SLC4A11: variants seen among roughly 807,000 people sequenced by gnomAD.
The protein encoded by SLC4A11 is bicarbonate transporter related protein 1.
Under a neutral mutation model 95.0 loss-of-function variants are expected in SLC4A11, and 74 were observed. The ratio of observed to expected loss-of-function variants is 0.78; its 90% confidence interval spans 0.65 to 0.95. The LOEUF (loss-of-function observed/expected upper bound fraction) is 0.95, where lower values mean the gene tolerates loss of function less well. Ranked by LOEUF, SLC4A11 falls within the 40% of genes least tolerant of loss-of-function variation. SLC4A11 has a pLI of 0.00. For missense variants in SLC4A11, 1,081 were observed against 1,192.4 expected (o/e 0.91, Z 1.38); for synonymous variants, 548 against 519.0 (o/e 1.06, Z -0.76).
Position 3,230,796 on chromosome 20 carries a change from C to G in SLC4A11, c.1218G>C (p.Ala406=). The change falls in exon 11 of 20, where the codon GCG becomes GCC. Residue 406 remains alanine (A), a synonymous_variant. Transcript: ENST00000642402. ...AGQSIGGLLY[A]LFSGQPLVIL... ...TCACCAATGGCTGCCCAGAGAAGAGCGCGTAGAGCAGGCCCCCGATGCTCT... is the reference window on the plus strand; with the variant it reads ...TCACCAATGGCTGCCCAGAGAAGAGGGCGTAGAGCAGGCCCCCGATGCTCT... 6.2e-7 allele frequency: 1 copy of G among 1,613,304 alleles called. No homozygotes were observed. Among genetic ancestry groups the G allele is most frequent in the Non-Finnish European group, 8.5e-7 (1 of 1,179,994 alleles).
chr20:3,237,435 C>T (rs2068016089), intron 2 of SLC4A11, 109 bp downstream of exon 2: 1 of 1,155,082 alleles, frequency 8.7e-7, no homozygotes, highest in Non-Finnish European at 1.3e-6. Context: ...CTAGAGTGGC[C>T]CAGATAGGCG....
intron 1 of SLC4A11, chr20:3,238,103 G>C: frequency 6.8e-7 from 1 of 1,461,138 alleles, no homozygotes; most frequent in East Asian, 2.5e-5. Flanking sequence ...ACGCGCCCCG[G>C]GTCACACGGG....
At position 3,230,187 on chromosome 20, in the gene SLC4A11, T is replaced by C. The variant is rs1378396052; in HGVS notation, c.1489A>G (p.Ile497Val). The C allele has an allele frequency of 6.2e-7, 1 of 1,613,504 alleles. No homozygotes were observed. Among genetic ancestry groups the C allele is most frequent in the East Asian group, 2.2e-5 (1 of 44,876 alleles). The change falls in exon 13 of 20, where the codon ATC becomes GTC. Residue 497 changes from isoleucine to valine, a missense_variant and splice_region_variant. Physicochemically the swap from Ile to Val is conservative, Grantham distance 29. Transcript: ENST00000642402. ...GCAGGTGGCCCCCAGCCGCACTCAC[T>C]TTTAACCGTGCCCTTGACGGCATCC... ...VLDAVKGTVK[I>V]FWKYYYGHYL...
In SLC4A11 at chr20:3,234,167, G is replaced by C. The variant is rs1251613187; in HGVS notation, c.439C>G (p.Pro147Ala). 1.9e-6 allele frequency: 3 copies of C among 1,614,004 alleles called. No homozygotes were observed. The highest frequency in any genetic ancestry group is 2.7e-5 in the African/African-American group (2 of 74,930). ...RTMLRRFARD[P>A]DNNEPNCNLD... ...TTGCAGTTGGGCTCATTGTTGTCAG[G>C]GTCCCTGGCGAAGCGGCGAAGCATG... The change falls in exon 5 of 20, where the codon CCT (proline) becomes GCT (alanine). Residue 147 changes from proline to alanine, a missense_variant. Around this residue, in one of 3 missense-constraint regions of SLC4A11, gnomAD observed 310 missense variants for 313.5 expected, o/e 0.99. Transcript: ENST00000642402. This position sits in a 1 kb window ranked among gnomAD's most constrained non-coding sequence, Gnocchi z 5.8.
chr20:3,229,047 A>T (rs1374927023), intron 16 of SLC4A11, 36 bp from the exon 17 acceptor site: 3 of 1,591,822 alleles, frequency 1.9e-6, no homozygotes, highest in Non-Finnish European at 1.7e-6. Flanking sequence ...AGAGCCCCAC[A>T]GCAGAGGCCC....
intron 2 of SLC4A11, among the ~76,000 whole-genome samples, chr20:3,235,668 C>G (rs1038063244): frequency 6.6e-6 from 1 of 152,058 alleles, no homozygotes; most frequent in African/African-American, 2.4e-5. Flanking sequence ...ATTCCTGCAG[C>G]TGGCCAGCAG....
Position 3,233,591 on chromosome 20 carries a change from G to T in SLC4A11, c.652C>A (p.Leu218Met). The T allele has an allele frequency of 6.2e-7, 1 of 1,613,712 alleles. No individual in the cohort carries two copies. The highest frequency in any genetic ancestry group is 1.1e-5 in the South Asian group (1 of 91,086). The change falls in exon 7 of 20, where the codon CTG (leucine) becomes ATG (methionine). Residue 218 changes from leucine to methionine, a missense_variant. Leu to Met is a conservative substitution (Grantham distance 15, BLOSUM62 2). Coordinates refer to ENST00000642402, the MANE Select transcript of SLC4A11 (RefSeq NM_001174089.2). ...TCCCCCCAGTTCTGTGGGCGAACCA[G>T]GCGGCTGATGCACACGTGCCGCTTC... ...LQKRHVCISR[L>M]VRPQNWGENS...
intron 2 of SLC4A11, among the ~76,000 whole-genome samples, chr20:3,235,166 C>T (rs2122616954): frequency 6.6e-6 from 1 of 152,350 alleles, no homozygotes; most frequent in Admixed American, 6.5e-5. Flanking sequence ...AAAAACATGT[C>T]CACTCCAGAC....
At position 3,229,650 on chromosome 20, in the gene SLC4A11, C is replaced by A. The variant is rs768911979; in HGVS notation, c.1616G>T (p.Ser539Ile). ...NASLHTALNA[S>I]FLASPTELPS... ...CAGCTCCGTGGGGCTGGCGAGGAAG[C>A]TGGCGTTGAGGGCAGTGTGGAGGCT... Residue 539 changes from serine to isoleucine, a missense_variant, in exon 14 of 20, where the codon AGC becomes ATC. Physicochemically the swap from Ser to Ile is moderately radical, Grantham distance 142 (BLOSUM62 -2). Around this residue, in one of 3 missense-constraint regions of SLC4A11, gnomAD observed 767 missense variants for 858.0 expected, o/e 0.89. Transcript: ENST00000642402. 7 of 1,613,602 alleles carry A rather than the reference C, an allele frequency of 4.3e-6. No individual in the cohort carries two copies. The highest frequency in any genetic ancestry group is 5.9e-6 in the Non-Finnish European group (7 of 1,179,988).
chr20:3,232,754 C>T (rs1202189366), intron 7 of SLC4A11, among the ~76,000 whole-genome samples: 1 of 152,162 alleles, frequency 6.6e-6, no homozygotes, highest in Non-Finnish European at 1.5e-5. Context: ...AAATACAAAA[C>T]CCCAAAAGAA....
At chr20:3,239,276 A>G, upstream of SLC4A11, 1 of 1,190,466 alleles carries the variant, frequency 8.4e-7, no homozygotes. Context: ...AATGCCGCTC[A>G]GACGCCGCGC....
At position 3,237,580 on chromosome 20, in the gene SLC4A11, G is replaced by C. The variant is rs1213236168; in HGVS notation, c.52C>G (p.Pro18Ala). 1.2e-6 allele frequency: 2 copies of C among 1,613,940 alleles called. No homozygotes were observed. Among genetic ancestry groups the C allele is most frequent in the East Asian group, 2.2e-5 (1 of 44,878 alleles). Residue 18 changes from proline to alanine, a missense_variant, in exon 2 of 20, where the codon CCC (proline) becomes GCC (alanine). Coordinates refer to ENST00000642402, the MANE Select transcript of SLC4A11 (RefSeq NM_001174089.2). ...AAGTATCCATTCTGCGACATGGTGG[G>C]AGAGTTTTCTGCAAGGGAAGCAGAA... ...VFHLQPCENS[P>A]TMSQNGYFED... is the part of the protein sequence containing the mutation.
intron 1 of SLC4A11, chr20:3,237,798 T>C (rs1233464657): frequency 4.4e-6 from 7 of 1,597,250 alleles, no homozygotes; most frequent in Non-Finnish European, 6.0e-6. Context: ...AGAAATTCAA[T>C]TGCTTAGCCC....
chr20:3,228,436 C>T lies in SLC4A11; in HGVS notation c.2389-8G>A, dbSNP rs762782747. 2.3e-5 allele frequency: 37 copies of T among 1,612,958 alleles called. No individual in the cohort carries two copies. The East Asian group carries it at 3.6e-4, about 16-fold the overall frequency. ...TGTCGGGGGGTACGCAGTCTGTGGG[C>T]GGCAGGGACCGGGTGTGGGCAGGCA... is the stretch of plus-strand genomic sequence containing the variant. On this transcript the variant is annotated splice_polypyrimidine_tract_variant and splice_region_variant and intron_variant, in intron 18 of 19. Coordinates refer to ENST00000642402, the MANE Select transcript of SLC4A11 (RefSeq NM_001174089.2).
At chr20:3,239,523 C>T, upstream of SLC4A11, 1 of 993,028 alleles carries the variant, frequency 1.0e-6, no homozygotes, top group African/African-American at 1.7e-5. Flanking sequence ...TCGACTGCGC[C>T]ACGAGCCCAC....
Position 3,228,425 on chromosome 20 carries a change from C to A in SLC4A11, c.2392G>T (p.Ala798Ser). The stretch of plus-strand genomic sequence containing the variant: ...CGGATGTAGTGTGTCGGGGGGTACG[C>A]AGTCTGTGGGCGGCAGGGACCGGGT... ...RVALLLKEQT[A>S]YPPTHYIRRV... Residue 798 changes from alanine (A) to serine (S), a missense_variant, in exon 19 of 20, where the codon GCG becomes TCG. Ala to Ser is a moderately conservative substitution (Grantham distance 99). Around this residue, in one of 3 missense-constraint regions of SLC4A11, gnomAD observed 767 missense variants for 858.0 expected, o/e 0.89. Transcript: ENST00000642402. 1 of 1,613,190 alleles carries A rather than the reference C, an allele frequency of 6.2e-7. No individual in the cohort carries two copies. Among genetic ancestry groups the A allele is most frequent in the Non-Finnish European group, 8.5e-7 (1 of 1,179,968 alleles).
chr20:3,234,734 C>T lies in SLC4A11; in HGVS notation c.241+8G>A. 6.2e-7 allele frequency: 1 copy of T among 1,613,936 alleles called. No individual in the cohort carries two copies. On this transcript the variant is annotated splice_region_variant and intron_variant, in intron 3 of 19. Coordinates refer to ENST00000642402, the MANE Select transcript of SLC4A11 (RefSeq NM_001174089.2). The surrounding 1 kb of genome is among the most constrained non-coding windows in gnomAD (Gnocchi z 5.8). ...TCCCCCAGTCTGCCCCTGCTGCAGC[C>T]CCCATACCAGTGTTGGTGGCCTGCA... is the stretch of plus-strand genomic sequence containing the variant.
At position 3,233,585 on chromosome 20, in the gene SLC4A11, G is replaced by A. The variant is rs147786721; in HGVS notation, c.658C>T (p.Arg220Cys). The A allele has an allele frequency of 9.9e-6, 16 of 1,613,572 alleles. No homozygotes were observed. In the East Asian group the frequency reaches 2.2e-4, roughly 22 times the overall value. ...KRHVCISRLVRPQNWGENSCE... is the reference protein window; with the variant it reads ...KRHVCISRLVCPQNWGENSCE... ...GAATTCTCCCCCCAGTTCTGTGGGC[G>A]AACCAGGCGGCTGATGCACACGTGC... The change falls in exon 7 of 20, where the codon CGC becomes TGC. Residue 220 changes from arginine to cysteine, a missense_variant. Around this residue, in one of 3 missense-constraint regions of SLC4A11, gnomAD observed 310 missense variants for 313.5 expected, o/e 0.99. Transcript: ENST00000642402.
upstream of SLC4A11, chr20:3,239,210 T>G: frequency 7.5e-7 from 1 of 1,335,088 alleles, no homozygotes; most frequent in Middle Eastern, 2.3e-4. Flanking sequence ...ACTCGGCGAC[T>G]CGGGCGGGCC....
Sources: allele counts gnomAD v4.1 joint callset (sites outside exome capture counted in the v4.1 genomes callset), GRCh38; gene constraint gnomAD v4.1.1; regional missense constraint gnomAD v4.1.1; non-coding constraint Gnocchi (gnomAD v3.1); transcripts MANE v1.5; gene names NCBI Gene and HGNC (gene_info 2026-07-23, HGNC 2026-07-21).